The following DGKD variants were observed in gnomAD, a reference collection of about 807,000 sequenced individuals.
DGKD encodes diacylglycerol kinase delta.
Under a neutral mutation model 154.4 loss-of-function variants are expected in DGKD, and 68 were observed. The ratio of observed to expected loss-of-function variants is 0.44; its 90% CI spans 0.36 to 0.54. The LOEUF is 0.54. Ranked by LOEUF, DGKD falls within the 20% of genes least tolerant of loss-of-function variation. DGKD has a pLI of 0.00. For synonymous variants in DGKD, 693 were observed against 638.0 expected (o/e 1.09, Z -1.30); for missense variants, 1,343 against 1,593.6 (o/e 0.84, Z 2.68).
In DGKD at chr2:233,438,211, G is replaced by T; in HGVS notation, c.923-6G>T. 1 of 1,613,478 alleles carries T rather than the reference G, an allele frequency of 6.2e-7. No homozygotes were observed. Among genetic ancestry groups the T allele is most frequent in the South Asian group, 1.1e-5 (1 of 91,032 alleles). ...TATATTTTCTTCTGTTCGTTCTTGC[G>T]TCCAGGGTTCTGGAAGGCCAGCTGT... On this transcript the variant is annotated splice_polypyrimidine_tract_variant and splice_region_variant and intron_variant, in intron 8 of 29. Transcript: ENST00000264057. This position sits in a 1 kb window ranked among gnomAD's most constrained non-coding sequence, Gnocchi z 4.1.
intron 24 of DGKD, among the ~76,000 whole-genome samples, chr2:233,460,587 C>T (rs181649648): frequency 3.3e-5 from 5 of 152,172 alleles, no homozygotes; most frequent in South Asian, 2.1e-4. Context: ...CAGGACCACT[C>T]GTTTAAAACC....
intron 27 of DGKD, among the ~76,000 whole-genome samples, chr2:233,465,269 A>G (rs2063790167): frequency 6.6e-6 from 1 of 152,248 alleles, no homozygotes; most frequent in African/African-American, 2.4e-5. Flanking sequence ...CAATGATTCA[A>G]CAGATGTCAC....
intron 3 of DGKD, chr2:233,419,150 G>T: frequency 1.1e-6 from 1 of 903,818 alleles, no homozygotes; most frequent in Non-Finnish European, 1.3e-6. Flanking sequence ...GCTTATTCTC[G>T]GCCACCTTTC....
At position 233,458,029 on chromosome 2, in the gene DGKD, C is replaced by T. The variant is rs553651639; in HGVS notation, c.2581-255C>T. On this transcript the variant is annotated intron_variant, in intron 21 of 29. Transcript: ENST00000264057. The surrounding 1 kb of genome is among the most constrained non-coding windows in gnomAD (Gnocchi z 6.6). ...TACTGATGGCCCTGGAGGAGCGTGCCGTTAGTTTCCCCATTTTACGCATGA... is the reference window on the plus strand; with the variant it reads ...TACTGATGGCCCTGGAGGAGCGTGCTGTTAGTTTCCCCATTTTACGCATGA... 6.6e-6 allele frequency among the ~76,000 whole-genome samples: 1 copy of T among 152,114 alleles called. No homozygotes were observed. The highest frequency in any genetic ancestry group is 2.4e-5 in the African/African-American group (1 of 41,408).
chr2:233,409,566 A>T (rs567821893), intron 3 of DGKD, among the ~76,000 whole-genome samples: 18 of 152,204 alleles, frequency 1.2e-4, no homozygotes, highest in African/African-American at 4.1e-4. Context: ...ATCATGTTAA[A>T]AAAAAATCCC....
intron 8 of DGKD, 40 bp downstream of exon 8, chr2:233,437,519 C>G: frequency 6.4e-7 from 1 of 1,572,920 alleles, no homozygotes; most frequent in South Asian, 1.1e-5. Context: ...TGCACGCCCA[C>G]ACGCTTCCTT....
In DGKD at chr2:233,445,434, A is replaced by G. The variant is rs540944100; in HGVS notation, c.1195-189A>G. Among the ~76,000 whole-genome samples, 22 of 152,230 alleles carry G rather than the reference A, an allele frequency of 1.4e-4. No homozygotes were observed. Among genetic ancestry groups the G allele is most frequent in the Middle Eastern group, 3.4e-3 (1 of 294 alleles). ...TCAAGGGCAGTCATGTTTCTGTCTC[A>G]TTGCCAAGGAAAATGCCATCTGTCC... On this transcript the variant is annotated intron_variant, in intron 10 of 29. Coordinates refer to ENST00000264057, the MANE Select transcript of DGKD (RefSeq NM_152879.3). The surrounding 1 kb of genome is among the most constrained non-coding windows in gnomAD (Gnocchi z 5.5).
rs145431349 is a variant in DGKD, at chr2:233,471,744, T to G, written c.*2284T>G. 1 of 152,532 alleles carries G rather than the reference T, an allele frequency of 6.6e-6. No homozygotes were observed. Among genetic ancestry groups the G allele is most frequent in the East Asian group, 1.9e-4 (1 of 5,326 alleles). 9.4% of individuals were successfully genotyped at this position (152,532 alleles called of 1,614,324 possible). ...AACAAGTTAGAATGTGAGGAAGGAA[T>G]GAACATGAGTGTTTAGGAACCTGCC... On this transcript the variant is annotated 3_prime_UTR_variant, in exon 30 of 30. Coordinates refer to ENST00000264057, the MANE Select transcript of DGKD (RefSeq NM_152879.3).
chr2:233,449,831 TG>T lies in DGKD; in HGVS notation c.1889-146del. 4.6e-6 allele frequency: 4 copies of T among 875,492 alleles called. No individual in the cohort carries two copies. Among genetic ancestry groups the T allele is most frequent in the Non-Finnish European group, 4.9e-6 (3 of 609,566 alleles). The allele number at this position is 875,492 out of a possible 1,614,324, so 54.2% of individuals were successfully genotyped here. A position where few individuals can be genotyped will look rare whatever the true frequency, so the allele number is the denominator to read the frequency against. On this transcript the variant is annotated intron_variant, in intron 15 of 29. Coordinates refer to ENST00000264057, the MANE Select transcript of DGKD (RefSeq NM_152879.3). This position sits in a 1 kb window ranked among gnomAD's most constrained non-coding sequence, Gnocchi z 5.3. ...GTGCCAGGACCAGGGGGAAGATGGG[TG>T]GGGGTGGGGTTTCGGAGTCCAAGCC...
At position 233,452,083 on chromosome 2, in the gene DGKD, G is replaced by A; in HGVS notation, c.2264+23G>A. The stretch of plus-strand genomic sequence containing the variant: ...CCTGTGAGTATGAGGGATAAACCGA[G>A]TGGGCATATTGTTACATGGCTGCTA... On this transcript the variant is annotated intron_variant, in intron 18 of 29. Coordinates refer to ENST00000264057, the MANE Select transcript of DGKD (RefSeq NM_152879.3). This position sits in a 1 kb window ranked among gnomAD's most constrained non-coding sequence, Gnocchi z 4.0. 1 of 1,598,938 alleles carries A rather than the reference G, an allele frequency of 6.3e-7. No homozygotes were observed. The highest frequency in any genetic ancestry group is 8.6e-7 in the Non-Finnish European group (1 of 1,166,340).
chr2:233,449,979 C>A lies in DGKD; in HGVS notation c.1889-3C>A. ...CTCAGCCGCACACACTCTCCTTGCA[C>A]AGCTGTCGATGAGCAGAATGCCCAG... is the stretch of plus-strand genomic sequence containing the variant. On this transcript the variant is annotated splice_polypyrimidine_tract_variant and splice_region_variant and intron_variant, in intron 15 of 29. Coordinates refer to ENST00000264057, the MANE Select transcript of DGKD (RefSeq NM_152879.3). This position sits in a 1 kb window ranked among gnomAD's most constrained non-coding sequence, Gnocchi z 5.3. 6.3e-7 allele frequency: 1 copy of A among 1,593,280 alleles called. No homozygotes were observed. The highest frequency in any genetic ancestry group is 1.1e-5 in the South Asian group (1 of 88,142).
At chr2:233,377,749 C>T (rs1321653086) in intron 1 of DGKD, among the ~76,000 whole-genome samples, 2 of 152,008 alleles carry the variant, frequency 1.3e-5, no homozygotes, top group African/African-American at 2.4e-5. Flanking sequence ...GTTTTGCAGT[C>T]GTGTTGAGTG....
At chr2:233,405,399 T>C (rs1438488120) in intron 3 of DGKD, among the ~76,000 whole-genome samples, 1 of 151,832 alleles carries the variant, frequency 6.6e-6, no homozygotes, top group Non-Finnish European at 1.5e-5. Context: ...ATGCCTGTAA[T>C]CCCAGCTACT....
At chr2:233,463,347 T>TCAC (rs1287951017) in intron 26 of DGKD, among the ~76,000 whole-genome samples, 2 of 143,578 alleles carry the variant, frequency 1.4e-5, no homozygotes, top group Non-Finnish European at 3.0e-5. Context: ...ACTGCACGCA[T>TCAC]CTCACTCCAC....
rs778823339 is a variant in DGKD, at chr2:233,441,972, G to A, written c.1171G>A (p.Asp391Asn). 6.2e-7 allele frequency: 1 copy of A among 1,614,120 alleles called. No individual in the cohort carries two copies. Among genetic ancestry groups the A allele is most frequent in the South Asian group, 1.1e-5 (1 of 91,084 alleles). ...GSVGWVLSEI[D>N]SLNLHKQCQL... ...TGTTGGCTGGGTCCTCTCCGAAATCGACAGCCTCAACCTTCATAAACAGGT... is the reference window on the plus strand; with the variant it reads ...TGTTGGCTGGGTCCTCTCCGAAATCAACAGCCTCAACCTTCATAAACAGGT... Residue 391 changes from aspartate (D) to asparagine (N), a missense_variant, in exon 10 of 30, where the codon GAC becomes AAC. Asp to Asn is a conservative substitution (Grantham distance 23). Around this residue, in one of 6 missense-constraint regions of DGKD, gnomAD observed 56 missense variants for 111.1 expected, o/e 0.50. Coordinates refer to ENST00000264057, the MANE Select transcript of DGKD (RefSeq NM_152879.3). This position sits in a 1 kb window ranked among gnomAD's most constrained non-coding sequence, Gnocchi z 5.6.
intron 3 of DGKD, among the ~76,000 whole-genome samples, chr2:233,433,424 GA>G (rs2062593216): frequency 6.6e-6 from 1 of 152,104 alleles, no homozygotes; most frequent in African/African-American, 2.4e-5. Flanking sequence ...ATAGGCAGTA[GA>G]TTGATGGTTA....
At chr2:233,447,167 CCGGCTCTGCCG>C (rs1284244990) in intron 12 of DGKD, among the ~76,000 whole-genome samples, 1 of 142,222 alleles carries the variant, frequency 7.0e-6, no homozygotes, top group Admixed American at 6.9e-5. Context: ...AATGCTCTAG[CCGGCTCTGCCG>C]CGGCTCTCCC....
intron 3 of DGKD, 98 bp downstream of exon 3, chr2:233,390,581 T>C: frequency 1.2e-6 from 1 of 827,240 alleles, no homozygotes; most frequent in Non-Finnish European, 1.9e-6. Context: ...GTTTTCATTC[T>C]TTTCTTACTG....
chr2:233,360,733 T>A (rs1166991997), intron 1 of DGKD, among the ~76,000 whole-genome samples: 1 of 152,182 alleles, frequency 6.6e-6, no homozygotes, highest in African/African-American at 2.4e-5. Flanking sequence ...TAGGAGAAAC[T>A]CTAAATCCAG....
Sources: gnomAD v4.1 joint callset for allele counts (sites outside exome capture counted in the v4.1 genomes callset) on GRCh38, gnomAD v4.1.1 for gene constraint, gnomAD v4.1.1 regional missense constraint, Gnocchi (gnomAD v3.1) non-coding constraint, MANE v1.5 for transcripts, NCBI Gene and HGNC (gene_info 2026-07-23, HGNC 2026-07-21) for gene names.